The following PDZRN3 variants were observed in gnomAD, a reference collection of about 807,000 sequenced individuals.
The protein encoded by PDZRN3 is E3 ubiquitin-protein ligase PDZRN3.
In PDZRN3, 38 loss-of-function variants were observed where a neutral mutation model predicts 85.7. The observed-to-expected ratio is 0.44, with a 90% CI of 0.34 to 0.58. The LOEUF is 0.58. Among genes scored for constraint, PDZRN3 ranks in the 20% least tolerant of loss-of-function variants. PDZRN3 has a pLI of 0.01. For missense variants in PDZRN3, 1,629 were observed against 1,506.4 expected, an observed-to-expected ratio of 1.08 and a Z score of -1.35; for synonymous variants, 759 against 638.0, an observed-to-expected ratio of 1.19 and a Z score of -2.86.
At chr3:73,587,823 T>C (rs1702299130) in intron 3 of PDZRN3, among the ~76,000 whole-genome samples, 1 of 152,196 alleles carries the variant, frequency 6.6e-6, no homozygotes, top group Admixed American at 6.5e-5. Context: ...TGACATGATG[T>C]CATTCCACTG....
chr3:73,469,646 A>G (rs1703293955), intron 3 of PDZRN3, among the ~76,000 whole-genome samples: 1 of 152,226 alleles, frequency 6.6e-6, no homozygotes, highest in Non-Finnish European at 1.5e-5. Context: ...GTCATTTATC[A>G]GCAACACAAT....
At chr3:73,532,415 T>C (rs1287794543) in intron 3 of PDZRN3, among the ~76,000 whole-genome samples, 1 of 152,232 alleles carries the variant, frequency 6.6e-6, no homozygotes. Context: ...GACACCTGAA[T>C]AATAATTTCC....
At chr3:73,484,248 G>A (rs1288180062) in intron 3 of PDZRN3, among the ~76,000 whole-genome samples, 1 of 152,196 alleles carries the variant, frequency 6.6e-6, no homozygotes, top group Non-Finnish European at 1.5e-5. Context: ...GAAAGTGCAA[G>A]AGTTTGGATT....
At chr3:73,599,708 C>T (rs1702482172) in intron 3 of PDZRN3, among the ~76,000 whole-genome samples, 1 of 152,204 alleles carries the variant, frequency 6.6e-6, no homozygotes, top group Admixed American at 6.5e-5. Flanking sequence ...TTAACCATGA[C>T]CTGTTCACTA....
At position 73,552,222 on chromosome 3, in the gene PDZRN3, A is replaced by G. The variant is rs567412901; in HGVS notation, c.918+50132T>C. 7.4e-3 allele frequency among the ~76,000 whole-genome samples: 856 copies of G among 115,266 alleles called. 4 individuals are homozygous for G. The highest frequency in any genetic ancestry group is 0.011 in the Non-Finnish European group (629 of 55,924). 75.6% of individuals were successfully genotyped at this position (115,266 alleles called of 152,430 possible). The stretch of plus-strand genomic sequence containing the variant: ...CTCTTAGGTTTCACGTGGGAATTAA[A>G]GGAGTGTGTGTGTGTGTGTGTGTGT... On this transcript the variant is annotated intron_variant, in intron 3 of 9. Transcript: ENST00000263666.
intron 3 of PDZRN3, among the ~76,000 whole-genome samples, chr3:73,489,134 A>C (rs758207612): frequency 6.6e-5 from 10 of 152,372 alleles, no homozygotes; most frequent in African/African-American, 1.4e-4. Context: ...GCAGGTGACT[A>C]GCAGGAGAGG....
intron 5 of PDZRN3, among the ~76,000 whole-genome samples, chr3:73,400,095 TCCTG>T (rs776736677): frequency 4.6e-5 from 7 of 152,214 alleles, no homozygotes; most frequent in Non-Finnish European, 1.0e-4. Flanking sequence ...GTTCGATTTT[TCCTG>T]GGTGACCTTT....
At chr3:73,606,917 A>G (rs780714624) in intron 2 of PDZRN3, among the ~76,000 whole-genome samples, 23 of 152,106 alleles carry the variant, frequency 1.5e-4, no homozygotes, top group Non-Finnish European at 2.8e-4. Context: ...TGTGTTGGCC[A>G]CTCCCGCCCT....
intron 2 of PDZRN3, among the ~76,000 whole-genome samples, chr3:73,604,358 A>C (rs1702562513): frequency 6.6e-6 from 1 of 152,188 alleles, no homozygotes; most frequent in African/African-American, 2.4e-5. Context: ...CCTCACAATA[A>C]CCACAAGTGG....
chr3:73,602,334 A>C lies in PDZRN3; in HGVS notation c.918+20T>G. The C allele has an allele frequency of 9.5e-6, 12 of 1,263,384 alleles. No homozygotes were observed. Among genetic ancestry groups the C allele is most frequent in the African/African-American group, 1.5e-5 (1 of 68,320 alleles). 78.3% of individuals were successfully genotyped at this position (1,263,384 alleles called of 1,614,324 possible). On this transcript the variant is annotated intron_variant, in intron 3 of 9. Coordinates refer to ENST00000263666, the MANE Select transcript of PDZRN3 (RefSeq NM_015009.3). ...GATGGCATTCAGCCTATTCAAAGAC[A>C]CTGGCCAGTATTCACATACCTCAAT...
At chr3:73,578,383 G>C (rs1255041732) in intron 3 of PDZRN3, among the ~76,000 whole-genome samples, 10 of 152,032 alleles carry the variant, frequency 6.6e-5, no homozygotes, top group Non-Finnish European at 1.5e-4. Flanking sequence ...TGTTAGCCAG[G>C]ATGGTCTCGA....
chr3:73,443,808 A>C (rs1169408548), intron 3 of PDZRN3, among the ~76,000 whole-genome samples: 1 of 151,438 alleles, frequency 6.6e-6, no homozygotes, highest in African/African-American at 2.4e-5. Flanking sequence ...TTTTTTTTTT[A>C]AAGCTATTCA....
intron 3 of PDZRN3, among the ~76,000 whole-genome samples, chr3:73,447,655 C>T (rs1219843490): frequency 1.3e-5 from 2 of 152,132 alleles, no homozygotes; most frequent in Non-Finnish European, 1.5e-5. Flanking sequence ...AATAGGAGGA[C>T]GTGGAGGTCC....
intron 3 of PDZRN3, among the ~76,000 whole-genome samples, chr3:73,581,548 G>A (rs1200426318): frequency 1.3e-5 from 2 of 152,134 alleles, no homozygotes; most frequent in Admixed American, 6.5e-5. Context: ...CGAGTCCCAG[G>A]ACTATAGGAA....
chr3:73,417,026 C>A (rs569754875), intron 3 of PDZRN3, among the ~76,000 whole-genome samples: 1 of 151,340 alleles, frequency 6.6e-6, no homozygotes, highest in Non-Finnish European at 1.5e-5. Context: ...TGATGGCATG[C>A]GCCATCAGGC....
At chr3:73,407,986 C>T (rs1701887883) in intron 3 of PDZRN3, 1 of 599,714 alleles carries the variant, frequency 1.7e-6, no homozygotes, top group African/African-American at 1.9e-5. Flanking sequence ...GAGAAATGCC[C>T]TGTCATCCCA....
chr3:73,562,794 A>G (rs977483485), intron 3 of PDZRN3, among the ~76,000 whole-genome samples: 1 of 151,654 alleles, frequency 6.6e-6, no homozygotes, highest in African/African-American at 2.4e-5. Flanking sequence ...GGGAAAGGGC[A>G]AGAGAATTCT....
chr3:73,512,865 T>C (rs1355474395), intron 3 of PDZRN3, among the ~76,000 whole-genome samples: 3 of 152,346 alleles, frequency 2.0e-5, no homozygotes, highest in Non-Finnish European at 4.4e-5. Flanking sequence ...AGTTTATAGG[T>C]TGAAAATTAA....
chr3:73,474,691 AGAG>A, intron 3 of PDZRN3: 1 of 972,854 alleles, frequency 1.0e-6, no homozygotes, highest in Non-Finnish European at 1.3e-6. Flanking sequence ...ACTGAACAAA[AGAG>A]GAGCAGCAGG....
Sources: gnomAD v4.1 joint callset for allele counts (sites outside exome capture counted in the v4.1 genomes callset) on GRCh38, gnomAD v4.1.1 for gene constraint, MANE v1.5 for transcripts, NCBI Gene and HGNC (gene_info 2026-07-23, HGNC 2026-07-21) for gene names.